PITPNC1: variants seen among roughly 807,000 people sequenced by gnomAD.
PITPNC1 encodes phosphatidylinositol transfer protein cytoplasmic 1.
Under a neutral mutation model 44.7 loss-of-function variants are expected in PITPNC1, and 18 were observed. That is an observed-to-expected ratio of 0.40 (90% confidence interval 0.28 to 0.60). The LOEUF is 0.60. PITPNC1 is among the 20% of genes least tolerant of loss of function. The pLI is 0.39. For synonymous variants in PITPNC1, 141 were observed against 149.6 expected (o/e 0.94, Z 0.42); for missense variants, 290 against 418.4 (o/e 0.69, Z 2.68).
At chr17:67,384,046 A>C (rs184990556) in intron 1 of PITPNC1, among the ~76,000 whole-genome samples, 1 of 152,286 alleles carries the variant, frequency 6.6e-6, no homozygotes, top group East Asian at 1.9e-4. Context: ...TCAAAAAAAC[A>C]AAAACAAACG....
intron 1 of PITPNC1, among the ~76,000 whole-genome samples, chr17:67,527,826 T>C (rs906157921): frequency 3.9e-5 from 6 of 151,984 alleles, no homozygotes; most frequent in Non-Finnish European, 7.4e-5. Flanking sequence ...TGAGACCATG[T>C]CTGTACAAAA....
intron 1 of PITPNC1, among the ~76,000 whole-genome samples, chr17:67,475,785 C>T (rs1307317746): frequency 6.6e-6 from 1 of 152,138 alleles, no homozygotes; most frequent in Non-Finnish European, 1.5e-5. Context: ...GATTCAGTGC[C>T]AGGAATCCAT....
intron 1 of PITPNC1, among the ~76,000 whole-genome samples, chr17:67,450,155 G>A (rs928436285): frequency 5.3e-5 from 8 of 152,228 alleles, no homozygotes; most frequent in African/African-American, 1.9e-4. Context: ...TGATTTAGAA[G>A]TAAATTTAGA....
At chr17:67,460,783 C>T (rs2039326232) in intron 1 of PITPNC1, among the ~76,000 whole-genome samples, 1 of 139,008 alleles carries the variant, frequency 7.2e-6, no homozygotes, top group Non-Finnish European at 1.5e-5. Flanking sequence ...CTGGCTCTGT[C>T]ACCCAGGCTG....
intron 6 of PITPNC1, among the ~76,000 whole-genome samples, chr17:67,668,925 T>A (rs2042467662): frequency 6.6e-6 from 1 of 152,040 alleles, no homozygotes; most frequent in Non-Finnish European, 1.5e-5. Context: ...ATTCACCCTT[T>A]TAAATAAATG....
At chr17:67,546,826 A>G (rs2040691761) in intron 2 of PITPNC1, among the ~76,000 whole-genome samples, 1 of 152,160 alleles carries the variant, frequency 6.6e-6, no homozygotes, top group Admixed American at 6.5e-5. Flanking sequence ...TCTGGTCCCG[A>G]AACTGCTCAC....
At chr17:67,512,514 A>ACAAAC (rs1568021017) in intron 1 of PITPNC1, among the ~76,000 whole-genome samples, 14 of 151,254 alleles carry the variant, frequency 9.3e-5, no homozygotes, top group African/African-American at 2.9e-4. Flanking sequence ...AAAAAAAAAA[A>ACAAAC]AAAAAAAAAC....
chr17:67,446,833 T>C (rs975541939), intron 1 of PITPNC1, among the ~76,000 whole-genome samples: 2 of 151,874 alleles, frequency 1.3e-5, no homozygotes, highest in African/African-American at 4.8e-5. Context: ...CTCACGCCTG[T>C]AATCCCAGCA....
chr17:67,537,262 A>T (rs117303997), intron 2 of PITPNC1, among the ~76,000 whole-genome samples: 2 of 152,352 alleles, frequency 1.3e-5, no homozygotes, highest in African/African-American at 2.4e-5. Flanking sequence ...AGAGGAAAGG[A>T]AGAAACAAAA....
At chr17:67,524,410 A>T (rs1256462606) in intron 1 of PITPNC1, 1 of 151,890 alleles carries the variant, frequency 6.6e-6, no homozygotes, top group African/African-American at 2.4e-5. Context: ...ATACCTCTGC[A>T]CTCCAGCCTG....
At chr17:67,382,799 T>C (rs2037983380) in intron 1 of PITPNC1, among the ~76,000 whole-genome samples, 1 of 151,594 alleles carries the variant, frequency 6.6e-6, no homozygotes, top group Admixed American at 6.6e-5. Flanking sequence ...TAATTTTTTG[T>C]ATTTTTAGTA....
chr17:67,380,064 TTG>T (rs1209509788), intron 1 of PITPNC1, among the ~76,000 whole-genome samples: 1 of 151,736 alleles, frequency 6.6e-6, no homozygotes, highest in African/African-American at 2.4e-5. Context: ...TTCCTTTTTT[TTG>T]TCTTTTCTTT....
intron 1 of PITPNC1, among the ~76,000 whole-genome samples, chr17:67,395,970 A>C (rs1318858431): frequency 6.6e-6 from 1 of 152,202 alleles, no homozygotes; most frequent in Non-Finnish European, 1.5e-5. Context: ...CAAAATGAAA[A>C]ATCTTTAGAT....
intron 6 of PITPNC1, among the ~76,000 whole-genome samples, chr17:67,642,761 C>T (rs981916878): frequency 2.6e-5 from 4 of 152,096 alleles, no homozygotes; most frequent in African/African-American, 9.7e-5. Context: ...GCTACCTCAG[C>T]ATTTGGATCA....
intron 5 of PITPNC1, among the ~76,000 whole-genome samples, chr17:67,599,939 C>T (rs1029969904): frequency 2.6e-5 from 4 of 152,092 alleles, no homozygotes; most frequent in Admixed American, 2.6e-4. Context: ...ATCAAAAACT[C>T]GGAAGGATGA....
intron 5 of PITPNC1, among the ~76,000 whole-genome samples, chr17:67,595,009 T>C (rs982205930): frequency 6.6e-5 from 10 of 152,222 alleles, no homozygotes; most frequent in Admixed American, 4.6e-4. Flanking sequence ...TTAGAGTTGA[T>C]GGCATGTTAC....
chr17:67,652,352 A>G (rs901937859), intron 6 of PITPNC1, among the ~76,000 whole-genome samples: 2 of 152,166 alleles, frequency 1.3e-5, no homozygotes, highest in African/African-American at 4.8e-5. Context: ...GGGCTGCTCA[A>G]ACAAGCCCTT....
intron 1 of PITPNC1, among the ~76,000 whole-genome samples, chr17:67,526,620 T>TTC (rs1453780926): frequency 6.6e-6 from 1 of 151,598 alleles, no homozygotes; most frequent in Non-Finnish European, 1.5e-5. Context: ...TAATCCCAGC[T>TTC]ACTTGGGAGG....
At chr17:67,511,657 C>T (rs999827289) in intron 1 of PITPNC1, among the ~76,000 whole-genome samples, 1 of 152,060 alleles carries the variant, frequency 6.6e-6, no homozygotes, top group Non-Finnish European at 1.5e-5. Context: ...TACAGGCACT[C>T]ACCACCACGC....
Sources: gnomAD v4.1 joint callset for allele counts (sites outside exome capture counted in the v4.1 genomes callset) on GRCh38, gnomAD v4.1.1 for gene constraint, MANE v1.5 for transcripts, NCBI Gene and HGNC (gene_info 2026-07-23, HGNC 2026-07-21) for gene names.